Variants in PDIA5 observed in about 807,000 individuals in gnomAD.
The protein encoded by PDIA5 is protein disulfide isomerase family A member 5, also known as protein disulfide-isomerase A5.
Under a neutral mutation model 77.6 loss-of-function variants are expected in PDIA5, and 58 were observed. The observed-to-expected ratio is 0.75, with a 90% confidence interval of 0.61 to 0.93. PDIA5 has a LOEUF of 0.93. PDIA5 is among the 40% of genes least tolerant of loss of function. PDIA5 has a pLI of 0.00. For missense variants in PDIA5, 630 were observed against 647.7 expected (o/e 0.97, Z 0.30); for synonymous variants, 250 against 252.1 (o/e 0.99, Z 0.08).
In PDIA5 at chr3:123,114,617, C is replaced by G. The variant is rs766814360; in HGVS notation, c.542-1614C>G. ...GCCATCTGCAGCCTCCTGTTTTCCA[C>G]CCGGTGCATTTCCCCCTGAGCGTTG... On this transcript the variant is annotated intron_variant, in intron 7 of 16. Coordinates refer to ENST00000316218, the MANE Select transcript of PDIA5 (RefSeq NM_006810.4). Among the ~76,000 whole-genome samples the G allele has an allele frequency of 2.0e-5, 3 of 152,242 alleles. No individual in the cohort carries two copies. The South Asian group carries it at 6.2e-4, about 32-fold the overall frequency.
chr3:123,156,748 A>G (rs1321074051), intron 15 of PDIA5, among the ~76,000 whole-genome samples: 1 of 152,090 alleles, frequency 6.6e-6, no homozygotes, highest in Non-Finnish European at 1.5e-5. Flanking sequence ...TTGCCCTCCC[A>G]GCCATGCTGG....
intron 3 of PDIA5, among the ~76,000 whole-genome samples, chr3:123,100,846 T>A (rs1314318418): frequency 6.6e-6 from 1 of 152,222 alleles, no homozygotes; most frequent in Non-Finnish European, 1.5e-5. Flanking sequence ...AGCTGATGGC[T>A]GTTGGTGGAG....
chr3:123,138,978 TAATTG>T (rs1205611950), intron 11 of PDIA5, among the ~76,000 whole-genome samples: 1 of 152,066 alleles, frequency 6.6e-6, no homozygotes, highest in East Asian at 1.9e-4. Flanking sequence ...ATCATAAGTA[TAATTG>T]AATTTAATGA....
intron 16 of PDIA5, 71 bp downstream of exon 16, chr3:123,161,526 G>A: frequency 6.8e-7 from 1 of 1,461,376 alleles, no homozygotes; most frequent in Non-Finnish European, 9.3e-7. Flanking sequence ...CACTGAGGAG[G>A]GGCAGCACTG....
At chr3:123,127,179 G>A (rs1296574838) in intron 10 of PDIA5, among the ~76,000 whole-genome samples, 1 of 152,166 alleles carries the variant, frequency 6.6e-6, no homozygotes, top group East Asian at 1.9e-4. Flanking sequence ...CTTAGATGAG[G>A]TTCTGATTGT....
At chr3:123,152,344 C>A (rs1320587214) in intron 14 of PDIA5, among the ~76,000 whole-genome samples, 1 of 152,180 alleles carries the variant, frequency 6.6e-6, no homozygotes, top group Non-Finnish European at 1.5e-5. Flanking sequence ...AGGGCAGGGT[C>A]ACTGAGTGAC....
intron 1 of PDIA5, among the ~76,000 whole-genome samples, chr3:123,087,727 T>A (rs1934178737): frequency 6.6e-6 from 1 of 152,204 alleles, no homozygotes; most frequent in African/African-American, 2.4e-5. Flanking sequence ...GAACCTTGAT[T>A]ATCTGTCTGT....
intron 6 of PDIA5, among the ~76,000 whole-genome samples, chr3:123,108,575 C>T (rs1383742258): frequency 2.1e-5 from 3 of 140,154 alleles, no homozygotes; most frequent in East Asian, 2.3e-4. Context: ...CCACTGTGCC[C>T]GGCCTTAAAG....
At chr3:123,071,770 A>G (rs1383378033) in intron 1 of PDIA5, among the ~76,000 whole-genome samples, 1 of 152,096 alleles carries the variant, frequency 6.6e-6, no homozygotes, top group Non-Finnish European at 1.5e-5. Flanking sequence ...GCAGACTTGG[A>G]GCTCTGTGAC....
intron 1 of PDIA5, among the ~76,000 whole-genome samples, chr3:123,072,952 T>G (rs761429015): frequency 2.0e-4 from 21 of 104,378 alleles, no homozygotes; most frequent in African/African-American, 4.5e-4. Flanking sequence ...GTATGTGGTG[T>G]TGTTGTTTTT....
At chr3:123,077,512 C>T (rs890818211) in intron 1 of PDIA5, among the ~76,000 whole-genome samples, 8 of 151,964 alleles carry the variant, frequency 5.3e-5, no homozygotes, top group African/African-American at 1.9e-4. Context: ...GAGGGTCTCA[C>T]ATCCCAGGGC....
At chr3:123,138,874 C>A (rs909414138) in intron 11 of PDIA5, among the ~76,000 whole-genome samples, 1 of 152,214 alleles carries the variant, frequency 6.6e-6, no homozygotes, top group African/African-American at 2.4e-5. Context: ...TACCCCAGTA[C>A]CCTGGCTACC....
At chr3:123,077,413 G>C (rs1933883011) in intron 1 of PDIA5, among the ~76,000 whole-genome samples, 1 of 152,088 alleles carries the variant, frequency 6.6e-6, no homozygotes, top group South Asian at 2.1e-4. Context: ...GGAATTAAAG[G>C]ATCCTCTCTT....
At chr3:123,158,395 A>C (rs1278422194) in intron 15 of PDIA5, among the ~76,000 whole-genome samples, 1 of 152,056 alleles carries the variant, frequency 6.6e-6, no homozygotes, top group Non-Finnish European at 1.5e-5. Context: ...CCAGAAGCAG[A>C]CCCTGCTCCT....
At chr3:123,102,549 G>A in intron 4 of PDIA5, 55 bp downstream of exon 4, 1 of 1,311,580 alleles carries the variant, frequency 7.6e-7, no homozygotes, top group Non-Finnish European at 1.1e-6. Context: ...GCTTTCATTG[G>A]TATTTTCAGC....
chr3:123,098,926 C>A lies in PDIA5; in HGVS notation c.258-3485C>A, dbSNP rs554169506. Among the ~76,000 whole-genome samples, 33 of 152,344 alleles carry A rather than the reference C, an allele frequency of 2.2e-4. No homozygotes were observed. The South Asian group carries it at 6.0e-3, about 28-fold the overall frequency. On this transcript the variant is annotated intron_variant, in intron 3 of 16. Coordinates refer to ENST00000316218, the MANE Select transcript of PDIA5 (RefSeq NM_006810.4). ...TGGGGGAGGGAGGTAGGCAGTAGAT[C>A]AATTAATTGTACTTAATCTCTCAAC...
At chr3:123,080,232 A>G (rs182768186) in intron 1 of PDIA5, among the ~76,000 whole-genome samples, 20 of 152,292 alleles carry the variant, frequency 1.3e-4, no homozygotes, top group Admixed American at 4.6e-4. Flanking sequence ...GGACTTCTAC[A>G]TATTAGCATA....
chr3:123,112,534 CTTTTTTTTTTTTTTTTTT>C (rs55977938), intron 7 of PDIA5, among the ~76,000 whole-genome samples: 1 of 61,454 alleles, frequency 1.6e-5, no homozygotes. Flanking sequence ...CAGCCCTATT[CTTTTTTTTTTTTTTTTTT>C]TTTTTTTTGG....
chr3:123,147,091 G>A (rs577132982), intron 13 of PDIA5, among the ~76,000 whole-genome samples: 5 of 152,128 alleles, frequency 3.3e-5, no homozygotes, highest in Non-Finnish European at 7.4e-5. Context: ...GATTACAGGC[G>A]TGAACCACCA....
Sources: allele counts gnomAD v4.1 joint callset (sites outside exome capture counted in the v4.1 genomes callset), GRCh38; gene constraint gnomAD v4.1.1; transcripts MANE v1.5; gene names NCBI Gene and HGNC (gene_info 2026-07-23, HGNC 2026-07-21).